The following SNX29 variants were observed in gnomAD, a reference collection of about 807,000 sequenced individuals.
SNX29 encodes sorting nexin-29.
Under a neutral mutation model 102.1 loss-of-function variants are expected in SNX29, and 78 were observed. The observed-to-expected ratio is 0.76, with a 90% CI of 0.64 to 0.92. SNX29 has a LOEUF of 0.92. Ranked by LOEUF, SNX29 falls within the 40% of genes least tolerant of loss-of-function variation. The pLI is 0.00. For synonymous variants in SNX29, 580 were observed against 414.5 expected (o/e 1.40, Z -4.85); for missense variants, 1,280 against 1,061.7 (o/e 1.21, Z -2.86).
At chr16:12,418,582 T>A (rs973122655) in intron 18 of SNX29, among the ~76,000 whole-genome samples, 10 of 152,056 alleles carry the variant, frequency 6.6e-5, no homozygotes, top group African/African-American at 2.4e-4. Context: ...TGGCACGATC[T>A]TGGCTCACTG....
In SNX29 at chr16:12,570,764, G is replaced by A. The variant is rs990865343; in HGVS notation, c.*2135G>A. ...CACGAGGAAGCACCTTGGACATTCT[G>A]CACATGATAATAATGCAACAGTCCC... is the stretch of plus-strand genomic sequence containing the variant. On this transcript the variant is annotated 3_prime_UTR_variant, in exon 21 of 21. Coordinates refer to ENST00000566228, the MANE Select transcript of SNX29 (RefSeq NM_032167.5). 1.5e-5 allele frequency: 3 copies of A among 196,880 alleles called. No individual in the cohort carries two copies. Among genetic ancestry groups the A allele is most frequent in the Admixed American group, 1.5e-4 (2 of 13,268 alleles). The allele number at this position is 196,880 out of a possible 1,614,324, so 12.2% of individuals were successfully genotyped here. A position where few individuals can be genotyped will look rare whatever the true frequency, so the allele number is the denominator to read the frequency against.
At chr16:12,310,506 G>T (rs541559035) in intron 15 of SNX29, among the ~76,000 whole-genome samples, 2 of 151,258 alleles carry the variant, frequency 1.3e-5, no homozygotes, top group South Asian at 4.2e-4. Flanking sequence ...CAAAATAACT[G>T]TGTGCCAAGT....
At chr16:12,022,714 C>G (rs2057065775) in intron 3 of SNX29, among the ~76,000 whole-genome samples, 1 of 152,038 alleles carries the variant, frequency 6.6e-6, no homozygotes, top group African/African-American at 2.4e-5. Flanking sequence ...TCCTGATAAT[C>G]CTATTGTAGA....
intron 14 of SNX29, among the ~76,000 whole-genome samples, chr16:12,208,826 G>A (rs2077110958): frequency 7.3e-6 from 1 of 137,466 alleles, no homozygotes; most frequent in Admixed American, 7.8e-5. Context: ...GGGCGGTAGA[G>A]TGAGACCATG....
At chr16:11,999,644 G>A (rs772329622) in intron 2 of SNX29, among the ~76,000 whole-genome samples, 1 of 152,192 alleles carries the variant, frequency 6.6e-6, no homozygotes, top group Non-Finnish European at 1.5e-5. Flanking sequence ...GCTCACGCCT[G>A]TAATCCTAGC....
At chr16:12,142,936 C>T (rs1033618015) in intron 13 of SNX29, among the ~76,000 whole-genome samples, 1 of 151,882 alleles carries the variant, frequency 6.6e-6, no homozygotes, top group African/African-American at 2.4e-5. Context: ...GAGAGAAACA[C>T]AATACAGCTG....
At chr16:12,126,979 CTT>C (rs2054239330) in intron 12 of SNX29, among the ~76,000 whole-genome samples, 1 of 152,128 alleles carries the variant, frequency 6.6e-6, no homozygotes, top group Non-Finnish European at 1.5e-5. Flanking sequence ...AAAAAACAGC[CTT>C]TATTGATATT....
chr16:12,085,817 G>C (rs1021592990), intron 11 of SNX29, among the ~76,000 whole-genome samples: 3 of 152,154 alleles, frequency 2.0e-5, no homozygotes, highest in African/African-American at 4.8e-5. Flanking sequence ...CTGAGGTGTA[G>C]GTTATATTAT....
chr16:12,565,952 C>G (rs1290672969), intron 20 of SNX29, among the ~76,000 whole-genome samples: 11 of 152,318 alleles, frequency 7.2e-5, no homozygotes, highest in Admixed American at 6.5e-4. Context: ...CCTCCCCATC[C>G]TCAATGACAC....
At chr16:12,270,526 A>G (rs892259490) in intron 14 of SNX29, among the ~76,000 whole-genome samples, 6 of 152,172 alleles carry the variant, frequency 3.9e-5, no homozygotes, top group African/African-American at 1.2e-4. Flanking sequence ...ATGGTCTCTC[A>G]TGCCTTGACC....
At chr16:12,071,427 A>G (rs2051297098) in intron 10 of SNX29, among the ~76,000 whole-genome samples, 1 of 152,178 alleles carries the variant, frequency 6.6e-6, no homozygotes, top group Non-Finnish European at 1.5e-5. Flanking sequence ...TAAATAGGGA[A>G]TCCTTTCCCC....
intron 13 of SNX29, among the ~76,000 whole-genome samples, chr16:12,138,931 G>C (rs551651967): frequency 2.0e-5 from 3 of 152,122 alleles, no homozygotes; most frequent in Non-Finnish European, 4.4e-5. Flanking sequence ...GGTCAGGCAC[G>C]GTGGCTCACG....
At chr16:12,295,110 T>TC (rs1287265337) in intron 15 of SNX29, among the ~76,000 whole-genome samples, 1 of 152,044 alleles carries the variant, frequency 6.6e-6, no homozygotes, top group African/African-American at 2.4e-5. Flanking sequence ...GATTCAATTA[T>TC]CCCCCCACTG....
At chr16:12,054,453 A>G (rs2050437423) in intron 8 of SNX29, among the ~76,000 whole-genome samples, 1 of 152,222 alleles carries the variant, frequency 6.6e-6, no homozygotes, top group Non-Finnish European at 1.5e-5. Flanking sequence ...AGTAAAGGCG[A>G]TAGCCCTCCC....
At chr16:12,503,371 G>A (rs2089218114) in intron 19 of SNX29, among the ~76,000 whole-genome samples, 1 of 152,214 alleles carries the variant, frequency 6.6e-6, no homozygotes, top group African/African-American at 2.4e-5. Context: ...TTGAGGGGAG[G>A]CTGCTGCCGA....
intron 14 of SNX29, among the ~76,000 whole-genome samples, chr16:12,216,805 CA>C (rs2077337425): frequency 7.1e-6 from 1 of 140,280 alleles, no homozygotes; most frequent in African/African-American, 2.6e-5. Flanking sequence ...GCTAAGTCTT[CA>C]AGTTCATTCA....
intron 11 of SNX29, among the ~76,000 whole-genome samples, chr16:12,102,087 A>G (rs903869074): frequency 6.6e-5 from 10 of 152,196 alleles, no homozygotes; most frequent in Non-Finnish European, 1.0e-4. Flanking sequence ...CCCTGCAAAG[A>G]ACACGAACTC....
At chr16:12,025,525 C>CA (rs150442526) in intron 3 of SNX29, among the ~76,000 whole-genome samples, 290 of 152,166 alleles carry the variant, frequency 1.9e-3, no homozygotes, top group African/African-American at 6.6e-3. Context: ...GCCAGGAATC[C>CA]AGCAAAGATA....
intron 20 of SNX29, among the ~76,000 whole-genome samples, chr16:12,537,506 G>A (rs927152946): frequency 6.6e-6 from 1 of 152,212 alleles, no homozygotes; most frequent in Non-Finnish European, 1.5e-5. Context: ...AGATTTCACA[G>A]GCTTGTTGGG....
Sources: allele counts gnomAD v4.1 joint callset (sites outside exome capture counted in the v4.1 genomes callset), GRCh38; gene constraint gnomAD v4.1.1; transcripts MANE v1.5; gene names NCBI Gene and HGNC (gene_info 2026-07-23, HGNC 2026-07-21).